The following MORC1 variants were observed in gnomAD, a reference collection of about 807,000 sequenced individuals.
MORC1 encodes the protein MORC family CW-type zinc finger 1, also known as MORC family CW-type zinc finger protein 1.
In MORC1, 59 loss-of-function variants were observed where a neutral mutation model predicts 134.9. That is an observed-to-expected ratio of 0.44 (90% CI 0.35 to 0.54). The LOEUF (loss-of-function observed/expected upper bound fraction) is 0.54, where lower values mean the gene tolerates loss of function less well. Ranked by LOEUF, MORC1 falls within the 20% of genes least tolerant of loss-of-function variation. MORC1 has a pLI of 0.00. For missense variants in MORC1, 947 were observed against 1,134.5 expected, an observed-to-expected ratio of 0.83 and a Z score of 2.37; for synonymous variants, 395 against 391.7, an observed-to-expected ratio of 1.01 and a Z score of -0.10.
At chr3:109,053,327 A>G (rs961735424) in intron 14 of MORC1, among the ~76,000 whole-genome samples, 1 of 152,186 alleles carries the variant, frequency 6.6e-6, no homozygotes, top group African/African-American at 2.4e-5. Context: ...ACCCACATGT[A>G]TGTTCATTAC....
intron 27 of MORC1, 89 bp downstream of exon 27, chr3:108,963,325 G>T: frequency 9.2e-7 from 1 of 1,089,354 alleles, no homozygotes. Flanking sequence ...GTCCAGGTCA[G>T]TAAGTGAATG....
intron 24 of MORC1, among the ~76,000 whole-genome samples, chr3:108,976,595 G>C (rs1947569345): frequency 1.3e-5 from 2 of 152,318 alleles, no homozygotes; most frequent in South Asian, 2.1e-4. Context: ...GAAAGCAAAA[G>C]AGAAAACTGG....
At chr3:109,094,594 A>G (rs898309172) in intron 7 of MORC1, among the ~76,000 whole-genome samples, 25 of 152,174 alleles carry the variant, frequency 1.6e-4, no homozygotes, top group African/African-American at 3.9e-4. Context: ...AAATGATGCA[A>G]TAAGTGTCTC....
intron 15 of MORC1, among the ~76,000 whole-genome samples, chr3:109,034,286 A>G (rs1045753781): frequency 1.3e-5 from 2 of 152,186 alleles, no homozygotes; most frequent in African/African-American, 4.8e-5. Flanking sequence ...AGCTGTATAA[A>G]TACTTCTACA....
chr3:109,062,248 A>G (rs1055315894), intron 10 of MORC1, among the ~76,000 whole-genome samples, 190 bp from the exon 11 acceptor site: 1 of 152,180 alleles, frequency 6.6e-6, no homozygotes, highest in Non-Finnish European at 1.5e-5. Flanking sequence ...TTTAGGTATG[A>G]CAATTTACAG....
At chr3:109,034,751 ATTAAT>A (rs1458023968) in intron 15 of MORC1, among the ~76,000 whole-genome samples, 2 of 151,942 alleles carry the variant, frequency 1.3e-5, no homozygotes, top group Admixed American at 1.3e-4. Context: ...ATTTTAATTA[ATTAAT>A]TTATTTTTTT....
At chr3:109,066,909 A>T (rs1165108535) in intron 9 of MORC1, among the ~76,000 whole-genome samples, 1 of 152,250 alleles carries the variant, frequency 6.6e-6, no homozygotes, top group African/African-American at 2.4e-5. Context: ...TTTCGCTTCC[A>T]ATTATCATAC....
chr3:109,083,033 G>A, intron 8 of MORC1, among the ~76,000 whole-genome samples: 1 of 152,212 alleles, frequency 6.6e-6, no homozygotes, highest in East Asian at 1.9e-4. Context: ...AAAGCAGCAA[G>A]AGGAAAGAAG....
chr3:109,103,822 A>G, intron 4 of MORC1, 27 bp downstream of exon 4: 2 of 1,580,620 alleles, frequency 1.3e-6, no homozygotes, highest in Non-Finnish European at 1.7e-6. Context: ...TTTAACAGCC[A>G]GTTAGGTATC....
In MORC1 at chr3:109,027,957, C is replaced by T. The variant is rs547940865; in HGVS notation, c.1566-68G>A. ...AAAACTACTTACTGTCTGTAAAAGA[C>T]GATTTACTTCTACAAGGAGTTACTC... On this transcript the variant is annotated intron_variant, in intron 16 of 27. Coordinates refer to ENST00000232603, the MANE Select transcript of MORC1 (RefSeq NM_014429.4). The T allele has an allele frequency of 4.5e-4, 680 of 1,494,814 alleles. 11 individuals carry two copies. The South Asian group carries it at 7.2e-3, about 16-fold the overall frequency. 92.6% of individuals were successfully genotyped at this position (1,494,814 alleles called of 1,614,324 possible).
intron 8 of MORC1, among the ~76,000 whole-genome samples, chr3:109,082,658 C>T (rs1019216052): frequency 6.6e-6 from 1 of 152,022 alleles, no homozygotes; most frequent in Admixed American, 6.5e-5. Context: ...ATTCAAGGCT[C>T]TGCACAACAG....
chr3:109,059,403 T>C (rs1950029964), intron 12 of MORC1, among the ~76,000 whole-genome samples: 1 of 152,158 alleles, frequency 6.6e-6, no homozygotes, highest in Non-Finnish European at 1.5e-5. Context: ...AATTTTAAGC[T>C]ACTAGACAAA....
intron 16 of MORC1, among the ~76,000 whole-genome samples, chr3:109,031,925 G>C (rs1949249807): frequency 6.6e-6 from 1 of 152,130 alleles, no homozygotes; most frequent in Non-Finnish European, 1.5e-5. Flanking sequence ...TGCCACCTCT[G>C]ACATTTTTCT....
intron 6 of MORC1, among the ~76,000 whole-genome samples, chr3:109,098,472 G>A (rs914707486): frequency 6.6e-6 from 1 of 152,104 alleles, no homozygotes; most frequent in Non-Finnish European, 1.5e-5. Flanking sequence ...TCCACCCACT[G>A]GCAGTCTCAC....
At chr3:109,053,129 G>T (rs1949869113) in intron 14 of MORC1, among the ~76,000 whole-genome samples, 2 of 151,434 alleles carry the variant, frequency 1.3e-5, no homozygotes. Context: ...AAAAAATGTT[G>T]GTCAGGCTGT....
intron 14 of MORC1, among the ~76,000 whole-genome samples, chr3:109,051,519 A>G (rs1949829770): frequency 6.6e-6 from 1 of 152,106 alleles, no homozygotes; most frequent in Non-Finnish European, 1.5e-5. Flanking sequence ...TTTGATAATG[A>G]AGTTTGAGGA....
Position 109,047,969 on chromosome 3 carries a change from C to A in MORC1, c.1330+6759G>T, listed in dbSNP as rs146352323. 1.8e-3 allele frequency among the ~76,000 whole-genome samples: 270 copies of A among 152,266 alleles called. 6 individuals are homozygous for A. Among genetic ancestry groups the A allele is most frequent in the African/African-American group, 6.2e-3 (259 of 41,570 alleles). Reference sequence around the variant, plus strand: ...GACAATCAGCCTCACAATGGAAGAACACACTACCACCTATGAAACATCTTG... The same window carrying A: ...GACAATCAGCCTCACAATGGAAGAAAACACTACCACCTATGAAACATCTTG... On this transcript the variant is annotated intron_variant, in intron 14 of 27. Transcript: ENST00000232603.
intron 17 of MORC1, among the ~76,000 whole-genome samples, chr3:109,026,866 T>TAAAAAGGA (rs1559902352): frequency 6.6e-6 from 1 of 152,112 alleles, no homozygotes. Context: ...GACTCCAGGG[T>TAAAAAGGA]AAAAAGGAAA....
rs375327993 is a variant in MORC1, at chr3:109,012,249, G to T, written c.1705-5158C>A. On this transcript the variant is annotated intron_variant, in intron 17 of 27. Transcript: ENST00000232603. ...GTCTTGATCCCTTAGTTGAAAATCA[G>T]CTGGCTATATACATGTGGGTCTATT... Among the ~76,000 whole-genome samples, 28 of 152,244 alleles carry T rather than the reference G, an allele frequency of 1.8e-4. No homozygotes were observed. In the South Asian group the frequency reaches 5.6e-3, roughly 30 times the overall value.
Sources: allele counts gnomAD v4.1 joint callset (sites outside exome capture counted in the v4.1 genomes callset), GRCh38; gene constraint gnomAD v4.1.1; transcripts MANE v1.5; gene names NCBI Gene and HGNC (gene_info 2026-07-23, HGNC 2026-07-21).